Variants in PTPRD observed in about 807,000 individuals in gnomAD.
PTPRD encodes the protein receptor-type tyrosine-protein phosphatase delta.
A neutral mutation model predicts 214.5 loss-of-function variants in PTPRD; 34 were observed. The observed-to-expected ratio is 0.16, with a 90% confidence interval of 0.12 to 0.21. The LOEUF (loss-of-function observed/expected upper bound fraction) is 0.21, where lower values mean the gene tolerates loss of function less well. PTPRD is among the 10% of genes least tolerant of loss of function. The pLI, the probability that PTPRD is intolerant of heterozygous loss-of-function variation, is 1.00. For missense variants in PTPRD, 2,545 were observed against 2,398.7 expected, an observed-to-expected ratio of 1.06 and a Z score of -1.27; for synonymous variants, 1,128 against 845.7, an observed-to-expected ratio of 1.33 and a Z score of -5.79.
At chr9:8,575,841 C>A (rs1470976057) in intron 14 of PTPRD, among the ~76,000 whole-genome samples, 2 of 152,162 alleles carry the variant, frequency 1.3e-5, no homozygotes, top group Admixed American at 6.5e-5. Flanking sequence ...CAGTACCTAC[C>A]ATGTGCTAAA....
chr9:8,533,915 C>T (rs956070022), intron 14 of PTPRD, among the ~76,000 whole-genome samples: 4 of 151,990 alleles, frequency 2.6e-5, no homozygotes, highest in African/African-American at 7.2e-5. Context: ...CTGAAACAGT[C>T]ATTCTTCAAC....
intron 3 of PTPRD, among the ~76,000 whole-genome samples, chr9:10,303,350 A>G (rs2095930562): frequency 6.6e-6 from 1 of 152,206 alleles, no homozygotes. Context: ...AATTAAAAGA[A>G]CGAGTGAAGC....
Position 10,510,156 on chromosome 9 carries a change from G to A in PTPRD, c.-600+102242C>T, listed in dbSNP as rs978662599. Among the ~76,000 whole-genome samples, 26 of 152,046 alleles carry A rather than the reference G, an allele frequency of 1.7e-4. 1 individual carries two copies. Among genetic ancestry groups the A allele is most frequent in the African/African-American group, 7.2e-5 (3 of 41,416 alleles). On this transcript the variant is annotated intron_variant, in intron 2 of 45. Coordinates refer to ENST00000381196, the MANE Select transcript of PTPRD (RefSeq NM_002839.4). ...TTCTTTGTATTTGGCCTTAGAATAT[G>A]AAGTCAAATGTCAATTTGCCAAAGT...
intron 6 of PTPRD, among the ~76,000 whole-genome samples, chr9:9,735,038 A>C (rs1164941915): frequency 2.6e-5 from 4 of 152,092 alleles, no homozygotes; most frequent in East Asian, 3.9e-4. Context: ...TATTTTTGAA[A>C]AGTAAAACCA....
intron 42 of PTPRD, 107 bp downstream of exon 42, chr9:8,340,236 C>T (rs1001283086): frequency 6.0e-6 from 8 of 1,332,536 alleles, no homozygotes; most frequent in Non-Finnish European, 6.0e-6. Context: ...CCAGAGTGCA[C>T]TGCATTTCAA....
intron 12 of PTPRD, among the ~76,000 whole-genome samples, chr9:8,700,081 A>T (rs931403788): frequency 6.6e-6 from 1 of 152,190 alleles, no homozygotes; most frequent in African/African-American, 2.4e-5. Flanking sequence ...ATGGTTTTTT[A>T]AATTCCTTAT....
intron 9 of PTPRD, among the ~76,000 whole-genome samples, chr9:9,196,559 A>T (rs1464918287): frequency 2.0e-5 from 3 of 152,182 alleles, no homozygotes; most frequent in Non-Finnish European, 4.4e-5. Flanking sequence ...TCTACTTTAT[A>T]CGGTTATGCC....
intron 44 of PTPRD, among the ~76,000 whole-genome samples, chr9:8,327,508 C>T (rs573814835): frequency 1.3e-5 from 2 of 152,188 alleles, no homozygotes; most frequent in Admixed American, 6.5e-5. Context: ...ATGTATAATT[C>T]TGTTGATTTG....
At position 10,227,908 on chromosome 9, in the gene PTPRD, C is replaced by G. The variant is rs77505748; in HGVS notation, c.-545+113055G>C. ...ACTCGCAAGACATTTCCCTACACAT[C>G]GTCAAATCTTCATAATCTCTAACTA... On this transcript the variant is annotated intron_variant, in intron 3 of 45. Transcript: ENST00000381196. Among the ~76,000 whole-genome samples, 480 of 152,038 alleles carry G rather than the reference C, an allele frequency of 3.2e-3. 1 individual carries two copies. Among genetic ancestry groups the G allele is most frequent in the African/African-American group, 0.011 (464 of 41,512 alleles).
At chr9:8,905,330 G>C (rs1488799408) in intron 11 of PTPRD, among the ~76,000 whole-genome samples, 2 of 152,072 alleles carry the variant, frequency 1.3e-5, no homozygotes, top group African/African-American at 4.8e-5. Context: ...TAGGCTCTCA[G>C]TGGTTGCCCT....
At chr9:8,892,750 C>A (rs2098552907) in intron 11 of PTPRD, among the ~76,000 whole-genome samples, 1 of 149,350 alleles carries the variant, frequency 6.7e-6, no homozygotes, top group Non-Finnish European at 1.5e-5. Flanking sequence ...TATATATAGA[C>A]AAAGTTCTAC....
chr9:8,674,187 G>T (rs906180117), intron 12 of PTPRD, among the ~76,000 whole-genome samples: 75 of 152,098 alleles, frequency 4.9e-4, no homozygotes, highest in African/African-American at 1.8e-3. Flanking sequence ...AAAGCCTGAA[G>T]TTTGGCTCAT....
chr9:10,186,781 C>G (rs533322978), intron 3 of PTPRD, among the ~76,000 whole-genome samples: 13 of 152,062 alleles, frequency 8.5e-5, no homozygotes, highest in Admixed American at 1.3e-4. Context: ...ATACAGAAAA[C>G]TGAGTTTTCA....
chr9:8,695,241 T>A (rs1324696653), intron 12 of PTPRD, among the ~76,000 whole-genome samples: 1 of 152,124 alleles, frequency 6.6e-6, no homozygotes, highest in Admixed American at 6.6e-5. Context: ...AATAAACCCT[T>A]CTCAAAAACT....
chr9:10,264,276 G>C lies in PTPRD; in HGVS notation c.-545+76687C>G, dbSNP rs1033057904. On this transcript the variant is annotated intron_variant, in intron 3 of 45. Transcript: ENST00000381196. ...CCATCATCCAGACCCCAGAATTGTAGATCCATTGACAGCTTGCACCATGTT... is the reference window on the plus strand; with the variant it reads ...CCATCATCCAGACCCCAGAATTGTACATCCATTGACAGCTTGCACCATGTT... Among the ~76,000 whole-genome samples, 14 of 152,116 alleles carry C rather than the reference G, an allele frequency of 9.2e-5. No homozygotes were observed. In the South Asian group the frequency reaches 1.0e-3, roughly 11 times the overall value.
At chr9:9,994,292 T>C (rs753413702) in intron 4 of PTPRD, among the ~76,000 whole-genome samples, 2 of 152,320 alleles carry the variant, frequency 1.3e-5, no homozygotes, top group South Asian at 2.1e-4. Context: ...CTTTTGAAAA[T>C]ACTTTTATCT....
chr9:8,886,902 G>T (rs973355412), intron 11 of PTPRD, among the ~76,000 whole-genome samples: 1 of 152,162 alleles, frequency 6.6e-6, no homozygotes, highest in African/African-American at 2.4e-5. Context: ...TTTCTATTTT[G>T]TTCGGTTCAT....
At chr9:8,751,609 C>A (rs2093540291) in intron 11 of PTPRD, among the ~76,000 whole-genome samples, 1 of 152,268 alleles carries the variant, frequency 6.6e-6, no homozygotes, top group South Asian at 2.1e-4. Context: ...CCAAGGCCTG[C>A]TGTGAGTCAA....
intron 10 of PTPRD, among the ~76,000 whole-genome samples, chr9:9,058,188 G>C (rs1261243901): frequency 6.6e-6 from 1 of 151,970 alleles, no homozygotes; most frequent in Non-Finnish European, 1.5e-5. Context: ...TTGTACTTAC[G>C]ACTAGGTTTT....
Sources: allele counts gnomAD v4.1 joint callset (sites outside exome capture counted in the v4.1 genomes callset), GRCh38; gene constraint gnomAD v4.1.1; transcripts MANE v1.5; gene names NCBI Gene and HGNC (gene_info 2026-07-23, HGNC 2026-07-21).